Variants in TRMT2B observed in about 807,000 individuals in gnomAD.
The protein encoded by TRMT2B is tRNA methyltransferase 2B, also known as tRNA (uracil-5-)-methyltransferase homolog B.
In TRMT2B, 34 loss-of-function variants were observed where a neutral mutation model predicts 39.7. The observed-to-expected ratio is 0.86, with a 90% CI of 0.65 to 1.14. The LOEUF (loss-of-function observed/expected upper bound fraction) is 1.14, where lower values mean the gene tolerates loss of function less well. Ranked by LOEUF, TRMT2B falls within the 50% of genes most tolerant of loss-of-function variation. The probability of loss-of-function intolerance (pLI) is 0.00; values close to 1 mark genes in which losing one functional copy is unlikely to be tolerated. For missense variants in TRMT2B, 318 were observed against 377.2 expected (o/e 0.84, Z 1.30); for synonymous variants, 132 against 137.3 (o/e 0.96, Z 0.27).
the TRMT2B span, among the ~76,000 whole-genome samples, chrX:100,992,865 G>T: frequency 9.0e-6 from 1 of 111,373 alleles, no homozygotes. Flanking sequence ...TTCAAACTAA[G>T]GTCCTACTCC....
intron 7 of TRMT2B, among the ~76,000 whole-genome samples, chrX:101,030,442 T>C (rs188992992): frequency 1.9e-5 from 2 of 105,263 alleles, no homozygotes; most frequent in East Asian, 5.7e-4. Context: ...AAAGCCTATA[T>C]AGATCTGCAT....
chrX:101,011,813 G>C (rs2086265408), intron 13 of TRMT2B, among the ~76,000 whole-genome samples: 1 of 111,381 alleles, frequency 9.0e-6, no homozygotes, highest in Admixed American at 9.6e-5. Context: ...AGGATGTCTT[G>C]AGCCCAGGAG....
At chrX:100,980,450 G>A in the TRMT2B span, among the ~76,000 whole-genome samples, 3 of 110,443 alleles carry the variant, frequency 2.7e-5, no homozygotes, top group African/African-American at 9.9e-5. Flanking sequence ...TGCAGGCAGT[G>A]AGTCCTGCCA....
At chrX:100,989,287 C>A in the TRMT2B span, among the ~76,000 whole-genome samples, 1 of 111,185 alleles carries the variant, frequency 9.0e-6, no homozygotes, top group Non-Finnish European at 1.9e-5. Context: ...GGCCAAGGTG[C>A]CTTTCCTTTG....
At chrX:101,003,674 T>C in the TRMT2B span, among the ~76,000 whole-genome samples, 2 of 111,880 alleles carry the variant, frequency 1.8e-5, no homozygotes, top group South Asian at 7.5e-4. Flanking sequence ...TTCTTATTAA[T>C]TACAAAGAGG....
At chrX:101,034,958 G>A in intron 7 of TRMT2B, among the ~76,000 whole-genome samples, 1 of 112,025 alleles carries the variant, frequency 8.9e-6, no homozygotes. Flanking sequence ...CTCAAACCCA[G>A]GAGATGGAGG....
chrX:100,981,667 G>T, the TRMT2B span, among the ~76,000 whole-genome samples: 1 of 107,821 alleles, frequency 9.3e-6, no homozygotes, highest in Non-Finnish European at 1.9e-5. Context: ...AAATTAGCCA[G>T]GTATGGTGAC....
rs180978338 is a variant in TRMT2B, at chrX:101,035,481, G to T, written c.609+132C>A. Reference sequence around the variant, plus strand: ...GCAATGTTTTCTCCATAGTTAGAAGGTATGCTTTCAGTACAGAGCCCCTCC... The same window carrying T: ...GCAATGTTTTCTCCATAGTTAGAAGTTATGCTTTCAGTACAGAGCCCCTCC... On this transcript the variant is annotated intron_variant, in intron 7 of 13. Coordinates refer to ENST00000372936, the MANE Select transcript of TRMT2B (RefSeq NM_024917.6). 28 of 550,635 alleles carry T rather than the reference G, an allele frequency of 5.1e-5. No individual in the cohort carries two copies. The African/African-American group carries it at 5.2e-4, about 10-fold the overall frequency. 45.4% of individuals were successfully genotyped at this position (550,635 alleles called of 1,213,427 possible).
At chrX:101,019,093 A>G (rs943144218) in intron 12 of TRMT2B, 23 bp from the exon 13 acceptor site, 3 of 1,104,108 alleles carry the variant, frequency 2.7e-6, no homozygotes, top group Non-Finnish European at 1.3e-6. Flanking sequence ...ACACCTTGCT[A>G]TTAGTATAAT....
At chrX:100,995,576 G>A in the TRMT2B span, among the ~76,000 whole-genome samples, 1 of 112,020 alleles carries the variant, frequency 8.9e-6, no homozygotes, top group Non-Finnish European at 1.9e-5. Flanking sequence ...GCTGTGCTGT[G>A]CACTGATGAC....
intron 13 of TRMT2B, chrX:101,013,783 G>T: frequency 9.5e-6 from 1 of 104,913 alleles, no homozygotes. Flanking sequence ...GTCATGAAAA[G>T]ATCCCATTCA....
Position 101,035,693 on chromosome X carries a change from G to C in TRMT2B, c.539-10C>G. 1 of 1,189,923 alleles carries C rather than the reference G, an allele frequency of 8.4e-7. No individual in the cohort carries two copies. The highest frequency in any genetic ancestry group is 1.1e-6 in the Non-Finnish European group (1 of 876,108). ...CAGACAACGTTCCCATCTATGGAAA[G>C]AAAAATAATTTGCATGGTTTTATTC... On this transcript the variant is annotated splice_polypyrimidine_tract_variant and intron_variant, in intron 6 of 13. Coordinates refer to ENST00000372936, the MANE Select transcript of TRMT2B (RefSeq NM_024917.6).
chrX:101,003,794 A>G, the TRMT2B span, among the ~76,000 whole-genome samples: 2 of 112,045 alleles, frequency 1.8e-5, no homozygotes, highest in Non-Finnish European at 3.8e-5. Context: ...AGTACATACC[A>G]TCACTTTAAG....
intron 13 of TRMT2B, chrX:101,013,763 A>C (rs1302716904): frequency 1.8e-5 from 2 of 108,875 alleles, no homozygotes; most frequent in African/African-American, 6.8e-5. Context: ...AAAAAAAAAG[A>C]AAAGAAAATG....
Position 101,035,468 on chromosome X carries a change from C to G in TRMT2B, c.609+145G>C, listed in dbSNP as rs1192507470. 4.3e-5 allele frequency: 22 copies of G among 511,048 alleles called. No individual in the cohort carries two copies. The Admixed American group carries it at 5.8e-4, about 13-fold the overall frequency. The allele number at this position is 511,048 out of a possible 1,213,427, so 42.1% of individuals were successfully genotyped here. On this transcript the variant is annotated intron_variant, in intron 7 of 13. Transcript: ENST00000372936. ...AAATGAAAACCTAGCAATGTTTTCT[C>G]CATAGTTAGAAGGTATGCTTTCAGT...
the TRMT2B span, chrX:100,987,696 C>T: frequency 1.6e-6 from 1 of 643,743 alleles, no homozygotes; most frequent in African/African-American, 2.2e-5. Context: ...TCAAATGGGG[C>T]TAGGGCAGTG....
At chrX:101,035,567 C>T in intron 7 of TRMT2B, 46 bp downstream of exon 7, 1 of 1,109,389 alleles carries the variant, frequency 9.0e-7, no homozygotes, top group East Asian at 3.0e-5. Context: ...CTGTTGTAGA[C>T]TACAATGCTC....
intron 7 of TRMT2B, among the ~76,000 whole-genome samples, chrX:101,024,037 G>C (rs897893593): frequency 1.7e-4 from 19 of 110,449 alleles, no homozygotes; most frequent in African/African-American, 6.3e-4. Context: ...TAGTAGACAC[G>C]AGGTTTCACC....
chrX:101,028,848 T>C (rs2087274824), intron 7 of TRMT2B, among the ~76,000 whole-genome samples: 1 of 110,780 alleles, frequency 9.0e-6, no homozygotes. Context: ...TCACAGGATA[T>C]GGTTGTTTGT....
Sources: allele counts gnomAD v4.1 joint callset (sites outside exome capture counted in the v4.1 genomes callset), GRCh38; gene constraint gnomAD v4.1.1; transcripts MANE v1.5; gene names NCBI Gene and HGNC (gene_info 2026-07-23, HGNC 2026-07-21).